The following PSMC2 variants were observed in gnomAD, a reference collection of about 807,000 sequenced individuals.
The protein encoded by PSMC2 is 26S proteasome regulatory subunit 7.
Under a neutral mutation model 53.3 loss-of-function variants are expected in PSMC2, and 7 were observed. The observed-to-expected ratio is 0.13, with a 90% CI of 0.07 to 0.25. PSMC2 has a LOEUF of 0.25. Ranked by LOEUF, PSMC2 falls within the 10% of genes least tolerant of loss-of-function variation. PSMC2 has a pLI of 1.00. For missense variants in PSMC2, 241 were observed against 544.0 expected (o/e 0.44, Z 5.54); for synonymous variants, 169 against 183.9 (o/e 0.92, Z 0.66).
intron 4 of PSMC2, among the ~76,000 whole-genome samples, chr7:103,357,295 C>T (rs1820090279): frequency 6.9e-6 from 1 of 144,474 alleles, no homozygotes; most frequent in African/African-American, 2.6e-5. Context: ...CACTGCACTT[C>T]AGCCTGGGGT....
At chr7:103,347,592 A>C (rs981176629), upstream of PSMC2, 10 of 1,166,380 alleles carry the variant, frequency 8.6e-6, no homozygotes, top group Non-Finnish European at 1.3e-5. Flanking sequence ...GAAGCACTGC[A>C]TAAAGGGGTC....
Position 103,361,948 on chromosome 7 carries a change from C to T in PSMC2, c.291-9C>T. The T allele has an allele frequency of 6.3e-7, 1 of 1,591,362 alleles. No individual in the cohort carries two copies. The highest frequency in any genetic ancestry group is 1.4e-5 in the African/African-American group (1 of 73,298). ...TTCCTTATTCTAATCAAGCTTTTTG[C>T]TGTGTTAGGTGTACAAAGATAATCA... On this transcript the variant is annotated splice_polypyrimidine_tract_variant and intron_variant, in intron 4 of 11. Transcript: ENST00000292644.
At chr7:103,363,515 TA>T in intron 7 of PSMC2, 76 bp downstream of exon 7, 1 of 1,277,412 alleles carries the variant, frequency 7.8e-7, no homozygotes, top group Non-Finnish European at 1.1e-6. Flanking sequence ...AAATTGCTTG[TA>T]TATTAGATGG....
intron 1 of PSMC2, among the ~76,000 whole-genome samples, chr7:103,350,704 C>T (rs1819710094): frequency 6.6e-6 from 1 of 151,674 alleles, no homozygotes; most frequent in Non-Finnish European, 1.5e-5. Context: ...TGTTATGTTG[C>T]CTAGACTGGT....
chr7:103,358,662 T>C (rs1408367969), intron 4 of PSMC2, among the ~76,000 whole-genome samples: 3 of 152,068 alleles, frequency 2.0e-5, no homozygotes, highest in Admixed American at 2.0e-4. Context: ...TATTCTTTCA[T>C]TTTTGTGTGT....
intron 1 of PSMC2, chr7:103,352,998 A>G (rs1819810862): frequency 5.1e-6 from 4 of 778,870 alleles, no homozygotes; most frequent in South Asian, 4.0e-5. Context: ...TCTATTTGCA[A>G]ATGACCATGA....
upstream of PSMC2, chr7:103,347,562 C>CA: frequency 1.2e-6 from 1 of 811,154 alleles, no homozygotes; most frequent in Non-Finnish European, 2.0e-6. Flanking sequence ...AGCGTTTCCC[C>CA]AGGGCTCTGT....
intron 1 of PSMC2, 100 bp downstream of exon 1, chr7:103,347,881 C>A: frequency 7.3e-7 from 1 of 1,371,828 alleles, no homozygotes; most frequent in Non-Finnish European, 1.0e-6. Flanking sequence ...GCTCTGTGCT[C>A]TGGCCCTTTT....
chr7:103,359,047 G>GC, intron 4 of PSMC2, among the ~76,000 whole-genome samples: 1 of 137,702 alleles, frequency 7.3e-6, no homozygotes, highest in East Asian at 2.4e-4. Context: ...GCAGTAACAT[G>GC]ATCTCAGCTC....
chr7:103,361,669 C>T (rs942430272), intron 4 of PSMC2, among the ~76,000 whole-genome samples: 2 of 151,962 alleles, frequency 1.3e-5, no homozygotes, highest in African/African-American at 4.8e-5. Context: ...AGGAGCATCA[C>T]TAATAATAAA....
At chr7:103,364,972 TATATATATA>T (rs1563495591) in intron 8 of PSMC2, among the ~76,000 whole-genome samples, 11 of 144,870 alleles carry the variant, frequency 7.6e-5, no homozygotes, top group African/African-American at 2.8e-4. Context: ...TATATATATA[TATATATATA>T]TATTTAGAGA....
Position 103,368,808 on chromosome 7 carries a change from C to T in PSMC2, c.*754C>T, listed in dbSNP as rs1260647208. 6.6e-6 allele frequency: 1 copy of T among 152,138 alleles called. No homozygotes were observed. Among genetic ancestry groups the T allele is most frequent in the Non-Finnish European group, 1.5e-5 (1 of 68,024 alleles). 9.4% of individuals were successfully genotyped at this position (152,138 alleles called of 1,614,324 possible). A position where few individuals can be genotyped will look rare whatever the true frequency, so the allele number is the denominator to read the frequency against. ...AATTTAGAAAGTCCAGAATTGGCTT[C>T]ATACAGAAAAGTGATTACTTTCATT... On this transcript the variant is annotated 3_prime_UTR_variant, in exon 12 of 12. Transcript: ENST00000292644.
intron 8 of PSMC2, 151 bp downstream of exon 8, chr7:103,364,458 G>T: frequency 1.2e-6 from 1 of 828,924 alleles, no homozygotes; most frequent in South Asian, 1.8e-5. Flanking sequence ...GCCCAGGCTG[G>T]AGTGCAGTGA....
rs1820840031 is a variant in PSMC2, at chr7:103,368,496, T to C, written c.*442T>C. 2.6e-5 allele frequency: 4 copies of C among 153,538 alleles called. No individual in the cohort carries two copies. Among genetic ancestry groups the C allele is most frequent in the Admixed American group, 1.9e-4 (3 of 15,394 alleles). The allele number at this position is 153,538 out of a possible 1,614,324, so 9.5% of individuals were successfully genotyped here. On this transcript the variant is annotated 3_prime_UTR_variant, in exon 12 of 12. Coordinates refer to ENST00000292644, the MANE Select transcript of PSMC2 (RefSeq NM_002803.4). ...GGCTCCATTACCTATGCTCCTATTA[T>C]CCGCTTCTGTCCCGCAACAAAGTAG...
chr7:103,347,866 T>C (rs541957996), intron 1 of PSMC2, 85 bp downstream of exon 1: 17 of 1,480,816 alleles, frequency 1.1e-5, no homozygotes, highest in Middle Eastern at 2.2e-4. Flanking sequence ...GGATTCCCGC[T>C]CCTGGCTCTG....
In PSMC2 at chr7:103,367,755, G is replaced by C; in HGVS notation, c.1090G>C (p.Val364Leu). 6.2e-7 allele frequency: 1 copy of C among 1,614,006 alleles called. No individual in the cohort carries two copies. The highest frequency in any genetic ancestry group is 8.5e-7 in the Non-Finnish European group (1 of 1,179,934). Residue 364 changes from valine (V) to leucine (L), a missense_variant, in exon 11 of 12, where the codon GTT becomes CTT. Physicochemically the swap from Val to Leu is conservative, Grantham distance 32. This residue lies in a region of PSMC2 where 60 missense variants were observed against 115.8 expected (regional missense o/e 0.52). Transcript: ENST00000292644. The surrounding 1 kb of genome is among the most constrained non-coding windows in gnomAD (Gnocchi z 6.1). ...TAAGATTCACGCTCGTTCAATGAGTGTTGAAAGAGATATCAGATTTGAACT... is the reference window on the plus strand; with the variant it reads ...TAAGATTCACGCTCGTTCAATGAGTCTTGAAAGAGATATCAGATTTGAACT... The part of the protein sequence containing the change: ...IFKIHARSMS[V>L]ERDIRFELLA...
intron 7 of PSMC2, 95 bp from the exon 8 acceptor site, chr7:103,364,047 TA>T: frequency 1.7e-6 from 2 of 1,175,386 alleles, no homozygotes; most frequent in Non-Finnish European, 2.4e-6. Flanking sequence ...GTTTTCAGGA[TA>T]AAATACTAAA....
chr7:103,364,457 G>A, intron 8 of PSMC2, 150 bp downstream of exon 8: 1 of 834,444 alleles, frequency 1.2e-6, no homozygotes, highest in Non-Finnish European at 1.8e-6. Flanking sequence ...TGCCCAGGCT[G>A]GAGTGCAGTG....
At chr7:103,348,642 C>T (rs1819659083) in intron 1 of PSMC2, 1 of 1,423,254 alleles carries the variant, frequency 7.0e-7, no homozygotes, top group African/African-American at 1.4e-5. Context: ...CGCGAAAATT[C>T]GGCCAGGGTT....
Sources: allele counts gnomAD v4.1 joint callset (sites outside exome capture counted in the v4.1 genomes callset), GRCh38; gene constraint gnomAD v4.1.1; regional missense constraint gnomAD v4.1.1; non-coding constraint Gnocchi (gnomAD v3.1); transcripts MANE v1.5; gene names NCBI Gene and HGNC (gene_info 2026-07-23, HGNC 2026-07-21).